Variants in OTOF observed in about 807,000 individuals in gnomAD.
OTOF encodes fer-1-like family member 2.
OTOF carries 218 observed loss-of-function variants against 236.8 expected under a neutral mutation model. The ratio of observed to expected loss-of-function variants is 0.92; its 90% CI spans 0.82 to 1.03. The LOEUF (loss-of-function observed/expected upper bound fraction) is 1.03, where lower values mean the gene tolerates loss of function less well. Among genes scored for constraint, OTOF ranks in the 50% least tolerant of loss-of-function variants. The pLI is 0.00. For synonymous variants in OTOF, 1,041 were observed against 1,072.5 expected, an observed-to-expected ratio of 0.97 and a Z score of 0.57; for missense variants, 2,590 against 2,694.4, an observed-to-expected ratio of 0.96 and a Z score of 0.86.
At chr2:26,515,607 G>A (rs918140633) in intron 5 of OTOF, among the ~76,000 whole-genome samples, 10 of 152,182 alleles carry the variant, frequency 6.6e-5, no homozygotes, top group African/African-American at 7.2e-5. Flanking sequence ...AAAGGAAAGC[G>A]TGGAAGGAGC....
At chr2:26,493,835 G>A (rs187063741) in intron 9 of OTOF, among the ~76,000 whole-genome samples, 234 of 152,282 alleles carry the variant, frequency 1.5e-3, no homozygotes, top group African/African-American at 5.5e-3. Flanking sequence ...TCAACCAATG[G>A]GGAAGTGGGG....
In OTOF at chr2:26,473,865, G is replaced by A. The variant is rs1665119258; in HGVS notation, c.3408+126C>T. 1 of 1,301,894 alleles carries A rather than the reference G, an allele frequency of 7.7e-7. No homozygotes were observed. Among genetic ancestry groups the A allele is most frequent in the East Asian group, 2.3e-5 (1 of 42,672 alleles). 80.6% of individuals were successfully genotyped at this position (1,301,894 alleles called of 1,614,324 possible). On this transcript the variant is annotated intron_variant, in intron 27 of 46. Transcript: ENST00000272371. The surrounding 1 kb of genome is among the most constrained non-coding windows in gnomAD (Gnocchi z 7.2). ...GCAGATGGGGGCAGGCCCTGGGCTGGGGCAGGAGCCTGGGTCTGCTGCTGG... is the reference window on the plus strand; with the variant it reads ...GCAGATGGGGGCAGGCCCTGGGCTGAGGCAGGAGCCTGGGTCTGCTGCTGG...
chr2:26,517,764 G>A (rs1254524848), intron 4 of OTOF, among the ~76,000 whole-genome samples: 9 of 152,146 alleles, frequency 5.9e-5, no homozygotes, highest in South Asian at 4.1e-4. Context: ...AATGGGTAGC[G>A]GAGATGGGTG....
At chr2:26,516,872 G>T (rs1487152519) in intron 4 of OTOF, among the ~76,000 whole-genome samples, 2 of 152,156 alleles carry the variant, frequency 1.3e-5, no homozygotes, top group Admixed American at 6.5e-5. Flanking sequence ...AGGTGGAGGG[G>T]CCTGGCCTGC....
intron 11 of OTOF, among the ~76,000 whole-genome samples, chr2:26,488,991 G>A (rs1222829038): frequency 6.6e-6 from 1 of 152,250 alleles, no homozygotes; most frequent in Non-Finnish European, 1.5e-5. Context: ...CTAATTATGA[G>A]TGAGAACCCA....
At position 26,480,767 on chromosome 2, in the gene OTOF, A is replaced by G; in HGVS notation, c.1803+19T>C. On this transcript the variant is annotated intron_variant, in intron 15 of 46. Coordinates refer to ENST00000272371, the MANE Select transcript of OTOF (RefSeq NM_194248.3). ...TGAGCTGGAGGCCCTGGGGGACAGC[A>G]CAGTGCCTGGGGTCTCACCTCCGAG... 1 of 1,599,402 alleles carries G rather than the reference A, an allele frequency of 6.3e-7. No homozygotes were observed. Among genetic ancestry groups the G allele is most frequent in the East Asian group, 2.2e-5 (1 of 44,800 alleles).
chr2:26,479,372 A>T lies in OTOF; in HGVS notation c.2106T>A (p.His702Gln), dbSNP rs764458682. Residue 702 changes from histidine (H) to glutamine (Q), a missense_variant, in exon 18 of 47, where the codon CAT becomes CAA. His to Gln is a conservative substitution (Grantham distance 24, BLOSUM62 0). This residue lies in a region of OTOF where 1,379 missense variants were observed against 1,341.6 expected (regional missense o/e 1.03). Transcript: ENST00000272371. ...RPQVTDRNYF[H>Q]LPYLERKPCI... ...AGGGCTTTCGCTCCAGGTAGGGCAGATGGAAGTAGTTCCTGGGGTGGGCAG... is the reference window on the plus strand; with the variant it reads ...AGGGCTTTCGCTCCAGGTAGGGCAGTTGGAAGTAGTTCCTGGGGTGGGCAG... 3.1e-6 allele frequency: 5 copies of T among 1,612,546 alleles called. No homozygotes were observed. The East Asian group carries it at 8.9e-5, about 29-fold the overall frequency.
intron 4 of OTOF, among the ~76,000 whole-genome samples, chr2:26,517,332 C>A (rs1472804584): frequency 2.0e-5 from 3 of 152,164 alleles, no homozygotes; most frequent in Non-Finnish European, 2.9e-5. Flanking sequence ...CCCAGACAGG[C>A]GGCCCTCACT....
In OTOF at chr2:26,527,832, T is replaced by A. The variant is rs759954218; in HGVS notation, c.227A>T (p.Lys76Met). Residue 76 changes from lysine to methionine, a missense_variant and splice_region_variant, in exon 3 of 47, where the codon AAG (lysine) becomes ATG (methionine). Around this residue, in one of 2 missense-constraint regions of OTOF, gnomAD observed 1,379 missense variants for 1,341.6 expected, o/e 1.03. Coordinates refer to ENST00000272371, the MANE Select transcript of OTOF (RefSeq NM_194248.3). ...CCCTCCTGCCCCATCCCACACTTAC[T>A]TGTTGCTGAAGACTTTGCTGTAGTT... The part of the protein sequence containing the change: ...VFNYSKVFSN[K>M]LIGTFRMVLQ... 6.2e-7 allele frequency: 1 copy of A among 1,610,136 alleles called. No homozygotes were observed. The highest frequency in any genetic ancestry group is 8.5e-7 in the Non-Finnish European group (1 of 1,176,362).
At chr2:26,527,075 T>C (rs1406980959) in intron 3 of OTOF, among the ~76,000 whole-genome samples, 3 of 152,220 alleles carry the variant, frequency 2.0e-5, no homozygotes, top group Admixed American at 6.5e-5. Flanking sequence ...GAGAGAAGGA[T>C]GACAACTACT....
In OTOF at chr2:26,558,546, G is replaced by A. The variant is rs1429859500; in HGVS notation, c.26C>T (p.Thr9Ile). Residue 9 changes from threonine to isoleucine, a missense_variant, in exon 1 of 47, where the codon ACA (threonine) becomes ATA (isoleucine). Coordinates refer to ENST00000272371, the MANE Select transcript of OTOF (RefSeq NM_194248.3). MALLIHLK[T>I]VSELRGRGDR... ...GCCCCTGCCCCGCAGCTCCGAGACT[G>A]TCTTGAGGTGGATGAGCAAGGCCAT... is the stretch of plus-strand genomic sequence containing the variant. 4.3e-6 allele frequency: 7 copies of A among 1,613,882 alleles called. No homozygotes were observed. In the African/African-American group the frequency reaches 8.0e-5, roughly 18 times the overall value.
Position 26,460,589 on chromosome 2 carries a change from C to G in OTOF, c.5813+58G>C. The G allele has an allele frequency of 7.3e-7, 1 of 1,362,906 alleles. No individual in the cohort carries two copies. The highest frequency in any genetic ancestry group is 2.3e-5 in the East Asian group (1 of 43,100). 84.4% of individuals were successfully genotyped at this position (1,362,906 alleles called of 1,614,324 possible). On this transcript the variant is annotated intron_variant, in intron 45 of 46. Transcript: ENST00000272371. The surrounding 1 kb of genome is among the most constrained non-coding windows in gnomAD (Gnocchi z 5.3). ...GGGGTGTCTGGGGATCGTCTCCTTCCTGTTCCAGCGCCTCCAAGAGCCAGA... is the reference window on the plus strand; with the variant it reads ...GGGGTGTCTGGGGATCGTCTCCTTCGTGTTCCAGCGCCTCCAAGAGCCAGA...
Position 26,468,389 on chromosome 2 carries a change from TC to T in OTOF, c.4090+18del. ...AGGGGCGGGGAGGAGGAGGCAGAGT[TC>T]CAGGTTCCAGGGCTCACCCTCGGTA... On this transcript the variant is annotated intron_variant, in intron 33 of 46. Transcript: ENST00000272371. 6.2e-7 allele frequency: 1 copy of T among 1,604,998 alleles called. No individual in the cohort carries two copies. Among genetic ancestry groups the T allele is most frequent in the Non-Finnish European group, 8.5e-7 (1 of 1,171,914 alleles).
At chr2:26,525,430 A>G (rs2037460) in intron 3 of OTOF, among the ~76,000 whole-genome samples, 150,329 of 152,320 alleles carry the variant, frequency 0.99, 74,206 homozygotes, top group Middle Eastern at 1. Flanking sequence ...GCTGGAAAAT[A>G]CTGGCTATCT....
At chr2:26,468,935 G>A (rs1343549068) in intron 32 of OTOF, among the ~76,000 whole-genome samples, 2 of 152,024 alleles carry the variant, frequency 1.3e-5, no homozygotes, top group Non-Finnish European at 2.9e-5. Context: ...ATAGCATTAG[G>A]AGCAATACCC....
In OTOF at chr2:26,457,890, CG is replaced by C. The variant is rs1405968101; in HGVS notation, c.*347del. Reference sequence around the variant, plus strand: ...CGCAGCCTGGGGCAGTGAGGACAGGCGGCCCCCGCAAGCAGGAGGCAGGCTC... The same window carrying C: ...CGCAGCCTGGGGCAGTGAGGACAGGCGCCCCCGCAAGCAGGAGGCAGGCTC... On this transcript the variant is annotated 3_prime_UTR_variant, in exon 47 of 47. Coordinates refer to ENST00000272371, the MANE Select transcript of OTOF (RefSeq NM_194248.3). The surrounding 1 kb of genome is among the most constrained non-coding windows in gnomAD (Gnocchi z 4.4). The C allele has an allele frequency of 3.9e-6, 3 of 776,264 alleles. No homozygotes were observed. The highest frequency in any genetic ancestry group is 6.3e-6 in the Non-Finnish European group (3 of 476,874). 48.1% of individuals were successfully genotyped at this position (776,264 alleles called of 1,614,324 possible). A position where few individuals can be genotyped will look rare whatever the true frequency, so the allele number is the denominator to read the frequency against.
intron 1 of OTOF, among the ~76,000 whole-genome samples, chr2:26,547,490 T>C (rs1288465628): frequency 1.3e-5 from 2 of 152,218 alleles, no homozygotes; most frequent in Non-Finnish European, 2.9e-5. Context: ...TGCTCTTCCT[T>C]CTCTATTTTC....
intron 24 of OTOF, 83 bp downstream of exon 24, chr2:26,475,831 G>C: frequency 6.6e-7 from 1 of 1,512,488 alleles, no homozygotes; most frequent in Non-Finnish European, 8.9e-7. Context: ...AGGCTCACAG[G>C]CCCCACAGGC....
chr2:26,472,379 C>G lies in OTOF; in HGVS notation c.3864+140G>C, dbSNP rs1665029724. On this transcript the variant is annotated intron_variant, in intron 30 of 46. Coordinates refer to ENST00000272371, the MANE Select transcript of OTOF (RefSeq NM_194248.3). ...GGAGGGAGCTGTTTGGACACACAAT[C>G]AAGCTCAGCCCCCGACAGTCACATG... The G allele has an allele frequency of 4.7e-6, 5 of 1,054,656 alleles. No individual in the cohort carries two copies. The Admixed American group carries it at 8.6e-5, about 18-fold the overall frequency. 65.3% of individuals were successfully genotyped at this position (1,054,656 alleles called of 1,614,324 possible).
Sources: gnomAD v4.1 joint callset for allele counts (sites outside exome capture counted in the v4.1 genomes callset) on GRCh38, gnomAD v4.1.1 for gene constraint, gnomAD v4.1.1 regional missense constraint, Gnocchi (gnomAD v3.1) non-coding constraint, MANE v1.5 for transcripts, NCBI Gene and HGNC (gene_info 2026-07-23, HGNC 2026-07-21) for gene names.